The following LRP1 variants were observed in gnomAD, a reference collection of about 807,000 sequenced individuals.
The protein encoded by LRP1 is LDL receptor related protein 1, also known as prolow-density lipoprotein receptor-related protein 1.
LRP1 carries 51 observed loss-of-function variants against 541.5 expected under a neutral mutation model. The ratio of observed to expected loss-of-function variants is 0.09; its 90% CI spans 0.08 to 0.12. The LOEUF (loss-of-function observed/expected upper bound fraction) is 0.12. Ranked by LOEUF, LRP1 falls within the 10% of genes least tolerant of loss-of-function variation. The pLI is 1.00. For synonymous variants in LRP1, 2,219 were observed against 2,470.8 expected (o/e 0.90, Z 3.02); for missense variants, 3,878 against 6,376.2 (o/e 0.61, Z 13.34).
intron 41 of LRP1, among the ~76,000 whole-genome samples, chr12:57,186,785 A>G (rs2036279372): frequency 6.6e-6 from 1 of 152,192 alleles, no homozygotes; most frequent in South Asian, 2.1e-4. Flanking sequence ...GCTTATAGCC[A>G]CTAACACTCT....
At chr12:57,199,422 G>A in intron 61 of LRP1, 22 bp downstream of exon 61, 3 of 1,599,898 alleles carry the variant, frequency 1.9e-6, no homozygotes, top group African/African-American at 1.3e-5. Context: ...AGGGGTGGGA[G>A]CAGGCGAACG....
chr12:57,157,815 G>A (rs1239992775), intron 10 of LRP1, among the ~76,000 whole-genome samples: 2 of 152,208 alleles, frequency 1.3e-5, no homozygotes, highest in African/African-American at 2.4e-5. Context: ...GCAAGCCAGA[G>A]GAACAGCACG....
At chr12:57,151,693 T>C (rs1249344521) in intron 6 of LRP1, among the ~76,000 whole-genome samples, 1 of 152,216 alleles carries the variant, frequency 6.6e-6, no homozygotes, top group East Asian at 1.9e-4. Flanking sequence ...AGGGCAGCCC[T>C]GGAGGCAAGG....
chr12:57,160,939 C>T lies in LRP1; in HGVS notation c.2026C>T (p.Arg676Cys), dbSNP rs777318786. Residue 676 changes from arginine to cysteine, a missense_variant, in exon 13 of 89, where the codon CGT becomes TGT. Coordinates refer to ENST00000243077, the MANE Select transcript of LRP1 (RefSeq NM_002332.3). ...DWEEDPKDSR[R>C]GRLERAWMDG... is the part of the protein sequence containing the mutation. ...GGAGGAGGACCCCAAGGACAGTCGG[C>T]GTGGGCGGCTGGAGAGGGCGTGGAT... 6.2e-6 allele frequency: 10 copies of T among 1,613,802 alleles called. No homozygotes were observed. The highest frequency in any genetic ancestry group is 2.2e-5 in the South Asian group (2 of 91,076).
In LRP1 at chr12:57,212,059, C is replaced by A. The variant is rs756752880; in HGVS notation, c.13349+42C>A. On this transcript the variant is annotated intron_variant, in intron 87 of 88. Coordinates refer to ENST00000243077, the MANE Select transcript of LRP1 (RefSeq NM_002332.3). The surrounding 1 kb of genome is among the most constrained non-coding windows in gnomAD (Gnocchi z 5.0). The stretch of plus-strand genomic sequence containing the variant: ...CTGGAACATTCTGGTCATTATTTTG[C>A]CATCCTAGCCTTCCCCCCCAATAAT... 1 of 1,613,024 alleles carries A rather than the reference C, an allele frequency of 6.2e-7. No homozygotes were observed. The highest frequency in any genetic ancestry group is 8.5e-7 in the Non-Finnish European group (1 of 1,179,280).
At chr12:57,146,556 G>A (rs2035410257) in intron 6 of LRP1, 1 of 152,212 alleles carries the variant, frequency 6.6e-6, no homozygotes, top group East Asian at 1.9e-4. Context: ...AGGTTACAAG[G>A]GATTCATTCT....
At position 57,161,295 on chromosome 12, in the gene LRP1, G is replaced by A. The variant is rs118178977; in HGVS notation, c.2202+180G>A. Among the ~76,000 whole-genome samples the A allele has an allele frequency of 2.1e-3, 318 of 152,296 alleles. 6 individuals are homozygous for A. In the East Asian group the frequency reaches 0.053, roughly 26 times the overall value. On this transcript the variant is annotated intron_variant, in intron 13 of 88. Coordinates refer to ENST00000243077, the MANE Select transcript of LRP1 (RefSeq NM_002332.3). ...GATGTGTACATCTGTGAGCTTGCAT[G>A]TCTTATGTATTGTGTTGTTTGTTTG...
rs1287308229 is a variant in LRP1 at position 57,160,938 on chromosome 12, G to A, written c.2025G>A (p.Arg675=). ...TDWEEDPKDS[R]RGRLERAWMD... is the part of the protein sequence containing the mutation. ...GGGAGGAGGACCCCAAGGACAGTCGGCGTGGGCGGCTGGAGAGGGCGTGGA... is the reference window on the plus strand; with the variant it reads ...GGGAGGAGGACCCCAAGGACAGTCGACGTGGGCGGCTGGAGAGGGCGTGGA... Residue 675 remains arginine (R), a synonymous_variant, in exon 13 of 89, where the codon CGG becomes CGA. Coordinates refer to ENST00000243077, the MANE Select transcript of LRP1 (RefSeq NM_002332.3). 1.2e-6 allele frequency: 2 copies of A among 1,614,012 alleles called. No homozygotes were observed. The highest frequency in any genetic ancestry group is 8.5e-7 in the Non-Finnish European group (1 of 1,180,028).
Position 57,200,826 on chromosome 12 carries a change from G to GGGGGGCCCCC in LRP1, c.10225+11_10225+12insGGGGGCCCCC. 6.3e-7 allele frequency: 1 copy of GGGGGGCCCCC among 1,581,414 alleles called. No homozygotes were observed. The highest frequency in any genetic ancestry group is 8.6e-7 in the Non-Finnish European group (1 of 1,157,662). On this transcript the variant is annotated intron_variant, in intron 64 of 88. Transcript: ENST00000243077. The stretch of plus-strand genomic sequence containing the variant: ...ACGAGGCCAACTGTGGTAAGGCGCT[G>GGGGGGCCCCC]CCCGCCCACCCTCCCTCCTTCCCCA...
At chr12:57,181,904 A>AGCATTTT (rs1347501464) in intron 34 of LRP1, among the ~76,000 whole-genome samples, 1 of 152,238 alleles carries the variant, frequency 6.6e-6, no homozygotes, top group Non-Finnish European at 1.5e-5. Flanking sequence ...GCTGGGGGAC[A>AGCATTTT]GCATTTCCCA....
rs752886165 is a variant in LRP1, at chr12:57,196,225, G to A, written c.8840G>A (p.Arg2947His). The A allele has an allele frequency of 8.1e-6, 13 of 1,611,060 alleles. No individual in the cohort carries two copies. Among genetic ancestry groups the A allele is most frequent in the East Asian group, 2.2e-5 (1 of 44,850 alleles). ...RGCHINECLS[R>H]KLSGCSQDCE... ...TGCCACATCAATGAGTGTCTCAGCC[G>A]CAAGCTCAGTGGCTGCAGCCAGGAC... The change falls in exon 55 of 89, where the codon CGC (arginine) becomes CAC (histidine). Residue 2947 changes from arginine (R) to histidine (H), a missense_variant. Arg to His is a conservative substitution (Grantham distance 29). Around this residue, in one of 13 missense-constraint regions of LRP1, gnomAD observed 1,100 missense variants for 1,827.4 expected, o/e 0.60. Coordinates refer to ENST00000243077, the MANE Select transcript of LRP1 (RefSeq NM_002332.3).
chr12:57,163,573 T>C (rs1207874863), intron 15 of LRP1, among the ~76,000 whole-genome samples: 1 of 149,150 alleles, frequency 6.7e-6, no homozygotes, highest in East Asian at 2.0e-4. Flanking sequence ...ATGGAGACTC[T>C]GTCTCAAAAA....
rs1475803350 is a variant in LRP1, at chr12:57,177,864, C to T, written c.4361+273C>T. 6.6e-6 allele frequency among the ~76,000 whole-genome samples: 1 copy of T among 152,124 alleles called. No individual in the cohort carries two copies. Among genetic ancestry groups the T allele is most frequent in the East Asian group, 1.9e-4 (1 of 5,196 alleles). ...ACTCACCTGTCCTCTCCACTCTGTT[C>T]CCTCTGCTGGGGCTGTGTCTGCCCA... On this transcript the variant is annotated intron_variant, in intron 26 of 88. Coordinates refer to ENST00000243077, the MANE Select transcript of LRP1 (RefSeq NM_002332.3). The surrounding 1 kb of genome is among the most constrained non-coding windows in gnomAD (Gnocchi z 6.8).
chr12:57,197,152 C>T lies in LRP1; in HGVS notation c.9063C>T (p.Cys3021=). ...CCCGCGGCGGCGACCCCCACAGCTGCAAGGCTGTGACTGGTGAGATGCGCG... is the reference window on the plus strand; with the variant it reads ...CCCGCGGCGGCGACCCCCACAGCTGTAAGGCTGTGACTGGTGAGATGCGCG... ...YAPRGGDPHS[C]KAVTDEEPFL... The change falls in exon 56 of 89, where the codon TGC becomes TGT. Residue 3021 remains cysteine (C), a synonymous_variant. Coordinates refer to ENST00000243077, the MANE Select transcript of LRP1 (RefSeq NM_002332.3). This position sits in a 1 kb window ranked among gnomAD's most constrained non-coding sequence, Gnocchi z 4.5. 6.2e-7 allele frequency: 1 copy of T among 1,613,972 alleles called. No homozygotes were observed. Among genetic ancestry groups the T allele is most frequent in the Non-Finnish European group, 8.5e-7 (1 of 1,180,028 alleles).
chr12:57,210,728 G>T lies in LRP1; in HGVS notation c.12765G>T (p.Thr4255=). The T allele has an allele frequency of 1.2e-6, 2 of 1,608,944 alleles. No individual in the cohort carries two copies. Among genetic ancestry groups the T allele is most frequent in the Non-Finnish European group, 1.7e-6 (2 of 1,176,220 alleles). Residue 4255 remains threonine, a synonymous_variant, in exon 83 of 89, where the codon ACG becomes ACT. Transcript: ENST00000243077. The part of the protein sequence containing the change: ...TCAASPSGMP[T]CRCPTGFTGP... ...ATCCTCTCCCACCAGGCATGCCCAC[G>T]TGCCGGTGCCCCACGGGCTTCACGG...
In LRP1 at chr12:57,178,270, G is replaced by T; in HGVS notation, c.4362-89G>T. 10 of 1,488,410 alleles carry T rather than the reference G, an allele frequency of 6.7e-6. No homozygotes were observed. Among genetic ancestry groups the T allele is most frequent in the Admixed American group, 1.8e-5 (1 of 54,166 alleles). The allele number at this position is 1,488,410 out of a possible 1,614,324, so 92.2% of individuals were successfully genotyped here. A position where few individuals can be genotyped will look rare whatever the true frequency, so the allele number is the denominator to read the frequency against. On this transcript the variant is annotated intron_variant, in intron 26 of 88. Transcript: ENST00000243077. The surrounding 1 kb of genome is among the most constrained non-coding windows in gnomAD (Gnocchi z 5.8). The stretch of plus-strand genomic sequence containing the variant: ...CCATGCTCTTCGCTGGGAGGGCTGT[G>T]GCCAGGGCCCAGAGGGTGGGCACCT...
chr12:57,208,933 G>C, intron 78 of LRP1, 116 bp downstream of exon 78: 1 of 1,091,772 alleles, frequency 9.2e-7, no homozygotes, highest in South Asian at 1.4e-5. Context: ...ACTGGGGCAG[G>C]GCAGATTGGC....
chr12:57,197,764 C>G lies in LRP1; in HGVS notation c.9282+100C>G. 4 of 1,368,926 alleles carry G rather than the reference C, an allele frequency of 2.9e-6. No individual in the cohort carries two copies. Among genetic ancestry groups the G allele is most frequent in the Non-Finnish European group, 4.0e-6 (4 of 993,506 alleles). 84.8% of individuals were successfully genotyped at this position (1,368,926 alleles called of 1,614,324 possible). A position where few individuals can be genotyped will look rare whatever the true frequency, so the allele number is the denominator to read the frequency against. The stretch of plus-strand genomic sequence containing the variant: ...CCCCACCAACCCAAATTGCTTCCTT[C>G]TCACTCCACTAGTCACTATATGACT... On this transcript the variant is annotated intron_variant, in intron 58 of 88. Transcript: ENST00000243077. This position sits in a 1 kb window ranked among gnomAD's most constrained non-coding sequence, Gnocchi z 4.5.
chr12:57,203,057 T>C (rs2036689460), intron 68 of LRP1, 124 bp from the exon 69 acceptor site: 7 of 724,026 alleles, frequency 9.7e-6, no homozygotes, highest in African/African-American at 1.8e-5. Flanking sequence ...GCTCGGCCTC[T>C]GGGTCAGTCA....
Sources: gnomAD v4.1 joint callset for allele counts (sites outside exome capture counted in the v4.1 genomes callset) on GRCh38, gnomAD v4.1.1 for gene constraint, gnomAD v4.1.1 regional missense constraint, Gnocchi (gnomAD v3.1) non-coding constraint, MANE v1.5 for transcripts, NCBI Gene and HGNC (gene_info 2026-07-23, HGNC 2026-07-21) for gene names.